Variants in TMEM108 observed in about 807,000 individuals in gnomAD.
TMEM108 encodes transmembrane protein 108.
TMEM108 carries 12 observed loss-of-function variants against 35.1 expected under a neutral mutation model. The ratio of observed to expected loss-of-function variants is 0.34; its 90% CI spans 0.22 to 0.55. The LOEUF (loss-of-function observed/expected upper bound fraction) is 0.55, where lower values mean the gene tolerates loss of function less well. Among genes scored for constraint, TMEM108 ranks in the 20% least tolerant of loss-of-function variants. The pLI, the probability that TMEM108 is intolerant of heterozygous loss-of-function variation, is 0.89. For synonymous variants in TMEM108, 287 were observed against 308.6 expected (o/e 0.93, Z 0.73); for missense variants, 680 against 753.3 (o/e 0.90, Z 1.14).
At chr3:133,306,576 G>A (rs1186889564) in intron 3 of TMEM108, among the ~76,000 whole-genome samples, 1 of 151,942 alleles carries the variant, frequency 6.6e-6, no homozygotes, top group African/African-American at 2.4e-5. Flanking sequence ...TCCAAGTGTT[G>A]TCATTGTTCA....
chr3:133,321,337 A>T (rs1257310286), intron 3 of TMEM108, among the ~76,000 whole-genome samples: 1 of 152,238 alleles, frequency 6.6e-6, no homozygotes, highest in Non-Finnish European at 1.5e-5. Flanking sequence ...TTCCATGCAA[A>T]TGGTCACCAA....
chr3:133,197,696 CATG>C (rs60386530), intron 2 of TMEM108, among the ~76,000 whole-genome samples: 33,672 of 151,924 alleles, frequency 0.22, 4,576 homozygotes, highest in East Asian at 0.4. Flanking sequence ...ATACTTCCAG[CATG>C]ATATGAGTTG....
chr3:133,147,409 C>T (rs533117397), intron 2 of TMEM108, among the ~76,000 whole-genome samples: 1 of 152,122 alleles, frequency 6.6e-6, no homozygotes, highest in East Asian at 1.9e-4. Flanking sequence ...TCTTTTTTGA[C>T]TTTTTAACAA....
intron 3 of TMEM108, among the ~76,000 whole-genome samples, chr3:133,245,001 A>G (rs906852301): frequency 2.6e-5 from 4 of 152,252 alleles, no homozygotes; most frequent in Non-Finnish European, 2.9e-5. Flanking sequence ...TAAGCATCAG[A>G]TAAGCAGTTG....
At chr3:133,232,613 T>C (rs1408572057) in intron 3 of TMEM108, among the ~76,000 whole-genome samples, 1 of 152,262 alleles carries the variant, frequency 6.6e-6, no homozygotes, top group Non-Finnish European at 1.5e-5. Context: ...TTTAGATCAC[T>C]GAATCATAAT....
intron 3 of TMEM108, among the ~76,000 whole-genome samples, chr3:133,262,538 G>A (rs949107521): frequency 6.6e-6 from 1 of 152,340 alleles, no homozygotes; most frequent in South Asian, 2.1e-4. Flanking sequence ...GAGAGACATA[G>A]CAGTGAGCTT....
intron 2 of TMEM108, among the ~76,000 whole-genome samples, chr3:133,128,571 C>T (rs1944446725): frequency 6.6e-6 from 1 of 152,066 alleles, no homozygotes; most frequent in Non-Finnish European, 1.5e-5. Flanking sequence ...AGTCCCAAGT[C>T]TCTTGGCTGC....
At chr3:133,279,701 G>A (rs1946886017) in intron 3 of TMEM108, among the ~76,000 whole-genome samples, 1 of 152,176 alleles carries the variant, frequency 6.6e-6, no homozygotes, top group Non-Finnish European at 1.5e-5. Context: ...CTCCAGCACA[G>A]CACTTTATAG....
intron 3 of TMEM108, among the ~76,000 whole-genome samples, chr3:133,280,373 T>C (rs1450720330): frequency 6.6e-6 from 1 of 152,234 alleles, no homozygotes; most frequent in Non-Finnish European, 1.5e-5. Flanking sequence ...CTATATCCTG[T>C]GCATTTCTAT....
chr3:133,121,112 A>G (rs3752770), intron 2 of TMEM108, among the ~76,000 whole-genome samples: 32,995 of 152,148 alleles, frequency 0.22, 4,365 homozygotes, highest in Non-Finnish European at 0.3. Flanking sequence ...ACTGTACAGC[A>G]CTTGAACCCA....
At chr3:133,071,372 T>G (rs1943673945) in intron 2 of TMEM108, among the ~76,000 whole-genome samples, 1 of 152,186 alleles carries the variant, frequency 6.6e-6, no homozygotes, top group Non-Finnish European at 1.5e-5. Context: ...TATATGTCTG[T>G]GTCAAAATTT....
chr3:133,288,549 C>G (rs1302874652), intron 3 of TMEM108, among the ~76,000 whole-genome samples: 3 of 152,116 alleles, frequency 2.0e-5, no homozygotes, highest in Non-Finnish European at 4.4e-5. Flanking sequence ...CAGTCCTGTT[C>G]CCTGTGATCA....
At position 133,312,403 on chromosome 3, in the gene TMEM108, T is replaced by G. The variant is rs1464978053; in HGVS notation, c.41-67349T>G. Among the ~76,000 whole-genome samples the G allele has an allele frequency of 2.0e-5, 3 of 152,206 alleles. No homozygotes were observed. The East Asian group carries it at 5.8e-4, about 29-fold the overall frequency. Reference sequence around the variant, plus strand: ...TGGGCTCCACCCAGTTTGAGCTTCCTGGCCACTTTGTTTACCTACTCAAGC... The same window carrying G: ...TGGGCTCCACCCAGTTTGAGCTTCCGGGCCACTTTGTTTACCTACTCAAGC... On this transcript the variant is annotated intron_variant, in intron 3 of 5. Transcript: ENST00000321871.
chr3:133,386,495 G>A, intron 4 of TMEM108: 7 of 1,535,822 alleles, frequency 4.6e-6, no homozygotes, highest in Non-Finnish European at 5.2e-6. Flanking sequence ...TCTGAAAATG[G>A]AGTGACCCCT....
intron 3 of TMEM108, among the ~76,000 whole-genome samples, chr3:133,282,787 G>A (rs542229003): frequency 1.3e-5 from 2 of 152,106 alleles, no homozygotes; most frequent in African/African-American, 4.8e-5. Context: ...ATGAAAAGTG[G>A]GGCATAATGC....
intron 2 of TMEM108, among the ~76,000 whole-genome samples, chr3:133,193,268 G>A (rs1249560100): frequency 6.6e-6 from 1 of 152,046 alleles, no homozygotes; most frequent in East Asian, 1.9e-4. Context: ...CAAAATCAAA[G>A]ATAAATGATG....
intron 2 of TMEM108, among the ~76,000 whole-genome samples, chr3:133,214,817 C>T (rs928596505): frequency 1.3e-5 from 2 of 152,060 alleles, no homozygotes; most frequent in African/African-American, 4.8e-5. Flanking sequence ...ATTACATTCT[C>T]ATAGGAGCAG....
intron 3 of TMEM108, among the ~76,000 whole-genome samples, chr3:133,259,886 G>T (rs1413589483): frequency 2.6e-5 from 4 of 152,220 alleles, no homozygotes; most frequent in African/African-American, 9.6e-5. Flanking sequence ...TGTCAGTGCA[G>T]AATAGGCGGA....
At chr3:133,045,191 A>G (rs1015662163) in intron 1 of TMEM108, among the ~76,000 whole-genome samples, 18 of 152,054 alleles carry the variant, frequency 1.2e-4, no homozygotes, top group African/African-American at 3.9e-4. Context: ...GCTGGTCTTG[A>G]TCGCCTGATC....
Sources: allele counts gnomAD v4.1 joint callset (sites outside exome capture counted in the v4.1 genomes callset), GRCh38; gene constraint gnomAD v4.1.1; transcripts MANE v1.5; gene names NCBI Gene and HGNC (gene_info 2026-07-23, HGNC 2026-07-21).